VPS41: variants seen among roughly 807,000 people sequenced by gnomAD.
VPS41 encodes the protein VPS41 subunit of HOPS complex, also known as vacuolar protein sorting-associated protein 41 homolog.
VPS41 carries 85 observed loss-of-function variants against 130.9 expected under a neutral mutation model. The observed-to-expected ratio is 0.65, with a 90% confidence interval of 0.55 to 0.78. VPS41 has a LOEUF of 0.78. Among genes scored for constraint, VPS41 ranks in the 30% least tolerant of loss-of-function variants. The probability of loss-of-function intolerance (pLI) is 0.00; values close to 1 mark genes in which losing one functional copy is unlikely to be tolerated. For missense variants in VPS41, 874 were observed against 1,018.7 expected, an observed-to-expected ratio of 0.86 and a Z score of 1.93; for synonymous variants, 335 against 332.9, an observed-to-expected ratio of 1.01 and a Z score of -0.07.
intron 18 of VPS41, 58 bp from the exon 19 acceptor site, chr7:38,757,040 C>T (rs1353974547): frequency 1.1e-5 from 14 of 1,309,536 alleles, no homozygotes; most frequent in Non-Finnish European, 1.5e-5. Flanking sequence ...AAAACACACA[C>T]AGAGAGATCA....
chr7:38,784,501 G>A (rs1258872187), intron 10 of VPS41, among the ~76,000 whole-genome samples: 1 of 152,154 alleles, frequency 6.6e-6, no homozygotes, highest in Non-Finnish European at 1.5e-5. Context: ...CAGGCATGGT[G>A]GTGCACGCCT....
chr7:38,806,145 T>C (rs1004957604), intron 7 of VPS41, among the ~76,000 whole-genome samples: 3 of 152,176 alleles, frequency 2.0e-5, no homozygotes, highest in Non-Finnish European at 4.4e-5. Context: ...TGTGGTAAAA[T>C]AGGTACTCAC....
intron 25 of VPS41, among the ~76,000 whole-genome samples, chr7:38,729,110 C>T (rs536047814): frequency 1.2e-4 from 19 of 152,204 alleles, no homozygotes; most frequent in Non-Finnish European, 2.2e-4. Flanking sequence ...CCTATTGCTA[C>T]TTTAGAGGGC....
intron 21 of VPS41, among the ~76,000 whole-genome samples, chr7:38,752,541 C>G (rs1165267801): frequency 1.3e-5 from 2 of 152,068 alleles, no homozygotes; most frequent in East Asian, 3.9e-4. Flanking sequence ...TGCCACGTAC[C>G]AACTGTGACC....
chr7:38,800,074 G>A (rs901918050), intron 7 of VPS41, among the ~76,000 whole-genome samples: 3 of 152,180 alleles, frequency 2.0e-5, no homozygotes, highest in Admixed American at 2.0e-4. Flanking sequence ...AGAAACTTAC[G>A]CTAAGAAATG....
At chr7:38,894,372 T>C (rs1052789221) in intron 2 of VPS41, among the ~76,000 whole-genome samples, 9 of 150,376 alleles carry the variant, frequency 6.0e-5, no homozygotes, top group Non-Finnish European at 1.2e-4. Flanking sequence ...TGCTGGTCCA[T>C]AAACTCAGTA....
At position 38,753,118 on chromosome 7, in the gene VPS41, A is replaced by G. The variant is rs555933532; in HGVS notation, c.1789-805T>C. ...AAAAACAATTCAATGTTTAGTTAAT[A>G]TTAAATGTAAACAAAAACCCCACAA... On this transcript the variant is annotated intron_variant, in intron 21 of 28. Transcript: ENST00000310301. Among the ~76,000 whole-genome samples the G allele has an allele frequency of 1.6e-3, 239 of 152,308 alleles. 3 individuals carry two copies. The highest frequency in any genetic ancestry group is 5.4e-3 in the African/African-American group (226 of 41,580).
intron 7 of VPS41, among the ~76,000 whole-genome samples, chr7:38,815,986 C>T (rs1390150561): frequency 6.6e-6 from 1 of 152,080 alleles, no homozygotes; most frequent in Non-Finnish European, 1.5e-5. Flanking sequence ...AATTCTCTCC[C>T]TCTAGAGAAC....
At chr7:38,756,654 G>A (rs1467575773) in intron 19 of VPS41, among the ~76,000 whole-genome samples, 184 bp downstream of exon 19, 1 of 152,174 alleles carries the variant, frequency 6.6e-6, no homozygotes, top group African/African-American at 2.4e-5. Context: ...TTATGAAAAG[G>A]ATTCCTGAAT....
At chr7:38,812,466 C>T (rs1296852711) in intron 7 of VPS41, among the ~76,000 whole-genome samples, 1 of 152,002 alleles carries the variant, frequency 6.6e-6, no homozygotes, top group Non-Finnish European at 1.5e-5. Flanking sequence ...ATCTTCATGA[C>T]CTTGGAAGAG....
At chr7:38,752,721 G>A (rs1185133851) in intron 21 of VPS41, among the ~76,000 whole-genome samples, 1 of 152,128 alleles carries the variant, frequency 6.6e-6, no homozygotes, top group South Asian at 2.1e-4. Context: ...ATCATCATTG[G>A]TATCTGCTTT....
intron 2 of VPS41, among the ~76,000 whole-genome samples, chr7:38,893,816 T>G (rs77481086): frequency 1.3e-3 from 200 of 152,324 alleles, no homozygotes; most frequent in African/African-American, 4.5e-3. Flanking sequence ...CACTTTCCTT[T>G]ACATTAATAA....
chr7:38,763,575 C>A, intron 16 of VPS41, 28 bp from the exon 17 acceptor site: 1 of 1,488,612 alleles, frequency 6.7e-7, no homozygotes, highest in Admixed American at 2.2e-5. Flanking sequence ...AAAAAAAAGT[C>A]CATTAAAATA....
intron 1 of VPS41, among the ~76,000 whole-genome samples, chr7:38,901,512 G>A (rs1562630215): frequency 6.6e-6 from 1 of 152,172 alleles, no homozygotes; most frequent in Non-Finnish European, 1.5e-5. Context: ...AGAGGGCAAT[G>A]GGGAGGTGCC....
At chr7:38,821,441 G>A (rs550837681) in intron 5 of VPS41, among the ~76,000 whole-genome samples, 176 bp from the exon 6 acceptor site, 9 of 152,226 alleles carry the variant, frequency 5.9e-5, no homozygotes, top group Admixed American at 3.3e-4. Context: ...GGTGGCTCAC[G>A]CCTGTAATCC....
chr7:38,843,636 A>G (rs1012208174), intron 4 of VPS41, among the ~76,000 whole-genome samples: 1 of 151,888 alleles, frequency 6.6e-6, no homozygotes, highest in East Asian at 1.9e-4. Flanking sequence ...GAGCCGAGAT[A>G]GCACCACTGC....
At chr7:38,738,172 C>G (rs1009008028) in intron 25 of VPS41, among the ~76,000 whole-genome samples, 1 of 152,180 alleles carries the variant, frequency 6.6e-6, no homozygotes, top group Non-Finnish European at 1.5e-5. Flanking sequence ...TTGCTATTTT[C>G]TTTTCCCAAG....
intron 10 of VPS41, among the ~76,000 whole-genome samples, chr7:38,779,347 T>G (rs2115885114): frequency 6.6e-6 from 1 of 152,342 alleles, no homozygotes; most frequent in Non-Finnish European, 1.5e-5. Flanking sequence ...TTTGTTAAAG[T>G]AATTCCCTTA....
chr7:38,771,328 G>T, intron 13 of VPS41, 74 bp from the exon 14 acceptor site: 1 of 1,065,740 alleles, frequency 9.4e-7, no homozygotes, highest in East Asian at 2.4e-5. Context: ...GGGAGAAGGT[G>T]GGAGAGAAAG....
Sources: allele counts gnomAD v4.1 joint callset (sites outside exome capture counted in the v4.1 genomes callset), GRCh38; gene constraint gnomAD v4.1.1; transcripts MANE v1.5; gene names NCBI Gene and HGNC (gene_info 2026-07-23, HGNC 2026-07-21).